The following LHFPL3 variants were observed in gnomAD, a reference collection of about 807,000 sequenced individuals.
LHFPL3 encodes the protein LHFPL tetraspan subfamily member 3.
In LHFPL3, 5 loss-of-function variants were observed where a neutral mutation model predicts 19.3. That is an observed-to-expected ratio of 0.26 (90% CI 0.14 to 0.54). The LOEUF (loss-of-function observed/expected upper bound fraction) is 0.54. LHFPL3 is among the 20% of genes least tolerant of loss of function. The probability of loss-of-function intolerance (pLI) is 0.94; values close to 1 mark genes in which losing one functional copy is unlikely to be tolerated. For missense variants in LHFPL3, 249 were observed against 307.4 expected (o/e 0.81, Z 1.42); for synonymous variants, 133 against 126.2 (o/e 1.05, Z -0.36).
chr7:104,578,520 T>C (rs1790390411), intron 1 of LHFPL3, among the ~76,000 whole-genome samples: 1 of 152,218 alleles, frequency 6.6e-6, no homozygotes, highest in Non-Finnish European at 1.5e-5. Context: ...TTGAAGAGTT[T>C]GATATTATAA....
chr7:104,396,172 C>A (rs991920558), intron 1 of LHFPL3, among the ~76,000 whole-genome samples: 1 of 152,142 alleles, frequency 6.6e-6, no homozygotes, highest in Non-Finnish European at 1.5e-5. Flanking sequence ...CTAAGAGGGA[C>A]CAACTGTCTT....
intron 1 of LHFPL3, among the ~76,000 whole-genome samples, chr7:104,420,822 A>G (rs1216135560): frequency 6.6e-6 from 1 of 152,096 alleles, no homozygotes; most frequent in East Asian, 1.9e-4. Flanking sequence ...TCGGCCTCCC[A>G]AAGTGCTGGG....
At chr7:104,779,247 G>T (rs538690078) in intron 2 of LHFPL3, among the ~76,000 whole-genome samples, 15 of 152,274 alleles carry the variant, frequency 9.9e-5, no homozygotes, top group Middle Eastern at 3.4e-3. Flanking sequence ...TAGGTGTAAA[G>T]CATGTCAGCA....
chr7:104,495,376 T>TA (rs5886322), intron 1 of LHFPL3, among the ~76,000 whole-genome samples: 256 of 151,476 alleles, frequency 1.7e-3, no homozygotes, highest in African/African-American at 6.0e-3. Context: ...TCTGGCTATT[T>TA]AAAAAAAAAA....
intron 1 of LHFPL3, among the ~76,000 whole-genome samples, chr7:104,422,449 A>C (rs1791752494): frequency 6.6e-6 from 1 of 152,236 alleles, no homozygotes; most frequent in South Asian, 2.1e-4. Context: ...GCCCAAGACA[A>C]TTGGCATAGT....
chr7:104,428,522 T>C lies in LHFPL3; in HGVS notation c.445+99298T>C, dbSNP rs952280974. On this transcript the variant is annotated intron_variant, in intron 1 of 2. Coordinates refer to ENST00000424859, the MANE Select transcript of LHFPL3 (RefSeq NM_199000.3). ...ACATTAATAGTAGCTGTCCTGGTTATATTTTCTGCTTGATGTTGAACCTAG... is the reference window on the plus strand; with the variant it reads ...ACATTAATAGTAGCTGTCCTGGTTACATTTTCTGCTTGATGTTGAACCTAG... Among the ~76,000 whole-genome samples the C allele has an allele frequency of 2.6e-5, 4 of 152,198 alleles. No homozygotes were observed. In the South Asian group the frequency reaches 8.3e-4, roughly 31 times the overall value.
In LHFPL3 at chr7:104,597,286, C is replaced by T. The variant is rs369659322; in HGVS notation, c.446-139389C>T. On this transcript the variant is annotated intron_variant, in intron 1 of 2. Transcript: ENST00000424859. ...TAACTCATTTCAGTCATTCTTTTTG[C>T]GAATATTCATTTAAAGCTGTCTTTA... Among the ~76,000 whole-genome samples the T allele has an allele frequency of 1.1e-3, 160 of 152,078 alleles. 2 individuals are homozygous for T. In the South Asian group the frequency reaches 0.012, roughly 11 times the overall value.
At chr7:104,352,486 C>T (rs1208149563) in intron 1 of LHFPL3, among the ~76,000 whole-genome samples, 1 of 152,112 alleles carries the variant, frequency 6.6e-6, no homozygotes, top group Non-Finnish European at 1.5e-5. Context: ...TCAAGGCATC[C>T]AATCTACCTT....
chr7:104,791,160 C>T (rs952629852), intron 2 of LHFPL3, among the ~76,000 whole-genome samples: 2 of 152,170 alleles, frequency 1.3e-5, no homozygotes, highest in Non-Finnish European at 2.9e-5. Flanking sequence ...CAAGTTATCA[C>T]CATTGTGTGT....
At chr7:104,742,670 G>A (rs1392803823) in intron 2 of LHFPL3, among the ~76,000 whole-genome samples, 3 of 152,152 alleles carry the variant, frequency 2.0e-5, no homozygotes, top group African/African-American at 7.2e-5. Context: ...GTGAAATGCA[G>A]GGCATGACCA....
intron 1 of LHFPL3, among the ~76,000 whole-genome samples, chr7:104,458,191 A>G (rs1792584633): frequency 6.6e-6 from 1 of 151,804 alleles, no homozygotes; most frequent in African/African-American, 2.4e-5. Flanking sequence ...GTCCTTGCCC[A>G]TGCCTATGTC....
intron 1 of LHFPL3, chr7:104,669,335 G>A (rs1218253049): frequency 3.1e-6 from 5 of 1,613,592 alleles, no homozygotes; most frequent in Non-Finnish European, 4.2e-6. Flanking sequence ...AAAGTAGATG[G>A]GATGAATGTC....
intron 1 of LHFPL3, among the ~76,000 whole-genome samples, chr7:104,692,502 T>G (rs1485963694): frequency 6.6e-6 from 1 of 152,238 alleles, no homozygotes; most frequent in East Asian, 1.9e-4. Context: ...CTTGGTGCCT[T>G]GCATCCCAGC....
intron 1 of LHFPL3, among the ~76,000 whole-genome samples, chr7:104,512,359 T>G (rs1414120073): frequency 6.6e-6 from 1 of 152,124 alleles, no homozygotes. Context: ...GGGTCAGACA[T>G]CTCCAAGCAC....
chr7:104,415,599 C>T (rs1791605910), intron 1 of LHFPL3, among the ~76,000 whole-genome samples: 1 of 152,160 alleles, frequency 6.6e-6, no homozygotes, highest in Admixed American at 6.5e-5. Context: ...CCTAATATTA[C>T]TTTCCAGTTC....
Position 104,626,438 on chromosome 7 carries a change from C to G in LHFPL3, c.446-110237C>G, listed in dbSNP as rs144918624. 1.8e-3 allele frequency among the ~76,000 whole-genome samples: 275 copies of G among 152,324 alleles called. 1 individual carries two copies. Among genetic ancestry groups the G allele is most frequent in the Non-Finnish European group, 3.4e-3 (231 of 68,032 alleles). On this transcript the variant is annotated intron_variant, in intron 1 of 2. Coordinates refer to ENST00000424859, the MANE Select transcript of LHFPL3 (RefSeq NM_199000.3). ...GCACTTTAGCATAATTACCTCCACT[C>G]CATGCTTCATTTTTATGGCCCTCTT... is the stretch of plus-strand genomic sequence containing the variant.
chr7:104,564,946 C>G (rs1416487981), intron 1 of LHFPL3, among the ~76,000 whole-genome samples: 1 of 152,204 alleles, frequency 6.6e-6, no homozygotes, highest in Admixed American at 6.5e-5. Context: ...CTCATGCTCA[C>G]TGCTCCCATC....
intron 1 of LHFPL3, among the ~76,000 whole-genome samples, chr7:104,550,445 G>A (rs1244195897): frequency 1.3e-5 from 2 of 152,114 alleles, no homozygotes; most frequent in Non-Finnish European, 2.9e-5. Flanking sequence ...CACAGGCAAT[G>A]TGGGAAAGGA....
intron 1 of LHFPL3, among the ~76,000 whole-genome samples, chr7:104,703,712 C>T (rs1172042939): frequency 6.6e-6 from 1 of 152,114 alleles, no homozygotes; most frequent in Admixed American, 6.5e-5. Flanking sequence ...CCTTTTCATA[C>T]TTGTTGTGAT....
Sources: allele counts gnomAD v4.1 joint callset (sites outside exome capture counted in the v4.1 genomes callset), GRCh38; gene constraint gnomAD v4.1.1; transcripts MANE v1.5; gene names NCBI Gene and HGNC (gene_info 2026-07-23, HGNC 2026-07-21).